Variants in NECTIN4 observed in about 807,000 individuals in gnomAD.
The protein encoded by NECTIN4 is nectin cell adhesion molecule 4, also known as nectin-4.
Under a neutral mutation model 51.7 loss-of-function variants are expected in NECTIN4, and 19 were observed. That is an observed-to-expected ratio of 0.37 (90% CI 0.26 to 0.54). The LOEUF (loss-of-function observed/expected upper bound fraction) is 0.54, where lower values mean the gene tolerates loss of function less well. Ranked by LOEUF, NECTIN4 falls within the 20% of genes least tolerant of loss-of-function variation. The pLI, the probability that NECTIN4 is intolerant of heterozygous loss-of-function variation, is 0.86. For missense variants in NECTIN4, 619 were observed against 662.4 expected, an observed-to-expected ratio of 0.93 and a Z score of 0.72; for synonymous variants, 283 against 286.9, an observed-to-expected ratio of 0.99 and a Z score of 0.14.
chr1:161,077,802 A>G (rs2101663842), intron 2 of NECTIN4, 59 bp from the exon 3 acceptor site: 1 of 1,490,368 alleles, frequency 6.7e-7, no homozygotes. Context: ...GGAGGCCCCC[A>G]CTCATCGCAT....
intron 1 of NECTIN4, among the ~76,000 whole-genome samples, chr1:161,080,329 G>T (rs1323355217): frequency 6.6e-6 from 1 of 152,122 alleles, no homozygotes; most frequent in African/African-American, 2.4e-5. Flanking sequence ...AGGGAAAATA[G>T]AATTTATGCA....
At chr1:161,080,496 T>C (rs1478685858) in intron 1 of NECTIN4, among the ~76,000 whole-genome samples, 2 of 152,158 alleles carry the variant, frequency 1.3e-5, no homozygotes. Context: ...GAAGGGTCTA[T>C]TCAGTAGGCC....
rs1314566794 is a variant in NECTIN4 at position 161,072,445 on chromosome 1, A to G, written c.*216T>C. ...TCAGTCAACACTCACACAGGCACAC[A>G]TGCACACACACAGTGACCTGCATGC... On this transcript the variant is annotated 3_prime_UTR_variant, in exon 9 of 9. Transcript: ENST00000368012. 1.6e-6 allele frequency: 1 copy of G among 625,568 alleles called. No homozygotes were observed. The highest frequency in any genetic ancestry group is 2.4e-5 in the Admixed American group (1 of 41,758). 38.8% of individuals were successfully genotyped at this position (625,568 alleles called of 1,614,324 possible). A position where few individuals can be genotyped will look rare whatever the true frequency, so the allele number is the denominator to read the frequency against.
Position 161,079,633 on chromosome 1 carries a change from G to A in NECTIN4, c.396C>T (p.Phe132=), listed in dbSNP as rs1246696728. The A allele has an allele frequency of 6.2e-7, 1 of 1,605,462 alleles. No individual in the cohort carries two copies. Among genetic ancestry groups the A allele is most frequent in the African/African-American group, 1.3e-5 (1 of 75,064 alleles). The change falls in exon 2 of 9, where the codon TTC becomes TTT. Residue 132 remains phenylalanine (F), a synonymous_variant. Coordinates refer to ENST00000368012, the MANE Select transcript of NECTIN4 (RefSeq NM_030916.3). ...GCCGCGCCTGGAAGCTGCCGGCGGG[G>A]AAGGTGCTGACCCGGCACTCGTACT... ...EGEYECRVST[F]PAGSFQARLR...
At chr1:161,086,139 A>G (rs562206918) in intron 1 of NECTIN4, among the ~76,000 whole-genome samples, 7 of 152,072 alleles carry the variant, frequency 4.6e-5, no homozygotes, top group Non-Finnish European at 1.0e-4. Context: ...ACATCCAATC[A>G]TTCTCTCCTC....
chr1:161,089,350 G>C lies in NECTIN4; in HGVS notation c.-54C>G. ...TGAAGTTCCACCGAGATCTCCCTGG[G>C]AGCCGGCTGCAGACTTGAATAAGGA... On this transcript the variant is annotated 5_prime_UTR_variant, in exon 1 of 9. Transcript: ENST00000368012. This position sits in a 1 kb window ranked among gnomAD's most constrained non-coding sequence, Gnocchi z 4.1. 2 of 1,534,314 alleles carry C rather than the reference G, an allele frequency of 1.3e-6. No homozygotes were observed.
Position 161,072,619 on chromosome 1 carries a change from C to A in NECTIN4, c.*42G>T, listed in dbSNP as rs751963168. 4 of 1,552,884 alleles carry A rather than the reference C, an allele frequency of 2.6e-6. No individual in the cohort carries two copies. Among genetic ancestry groups the A allele is most frequent in the Non-Finnish European group, 3.6e-6 (4 of 1,124,316 alleles). On this transcript the variant is annotated 3_prime_UTR_variant, in exon 9 of 9. Transcript: ENST00000368012. ...CAAGATGAGCTAAAATCTCCCATGT[C>A]AACAGAAGGAGCCAGGCCTAGGGAA... is the stretch of plus-strand genomic sequence containing the variant.
intron 1 of NECTIN4, among the ~76,000 whole-genome samples, chr1:161,080,290 C>A (rs560768416): frequency 2.0e-5 from 3 of 152,168 alleles, no homozygotes; most frequent in Admixed American, 6.5e-5. Flanking sequence ...GGAGACCCAG[C>A]CTCTGCCCTC....
At chr1:161,075,816 G>A (rs949649017) in intron 4 of NECTIN4, among the ~76,000 whole-genome samples, 36 of 152,034 alleles carry the variant, frequency 2.4e-4, no homozygotes, top group African/African-American at 8.0e-4. Context: ...GGTGGCTCAC[G>A]CCTGTAATCA....
chr1:161,086,242 A>C (rs1474909748), intron 1 of NECTIN4, among the ~76,000 whole-genome samples: 3 of 152,098 alleles, frequency 2.0e-5, no homozygotes, highest in Non-Finnish European at 4.4e-5. Context: ...CATGAACTCT[A>C]ACCTCCTCAT....
chr1:161,080,843 T>C (rs1374010955), intron 1 of NECTIN4, among the ~76,000 whole-genome samples: 1 of 152,212 alleles, frequency 6.6e-6, no homozygotes, highest in Admixed American at 6.5e-5. Flanking sequence ...CACTCCCTGC[T>C]CTCATGGGAC....
At position 161,074,328 on chromosome 1, in the gene NECTIN4, G is replaced by A. The variant is rs371363602; in HGVS notation, c.1046C>T (p.Ser349Leu). The A allele has an allele frequency of 9.9e-5, 160 of 1,613,644 alleles. No homozygotes were observed. The highest frequency in any genetic ancestry group is 6.6e-4 in the Middle Eastern group (4 of 6,084). ...SGKQVDLVSA[S>L]VVVVGVIAAL... ...GGCGATCACACCCACCACCACCACC[G>A]AGGCTGACACTAGGTCCACCTGCTT... The change falls in exon 6 of 9, where the codon TCG becomes TTG. Residue 349 changes from serine to leucine, a missense_variant. This residue lies in a region of NECTIN4 where 364 missense variants were observed against 415.7 expected (regional missense o/e 0.88). Coordinates refer to ENST00000368012, the MANE Select transcript of NECTIN4 (RefSeq NM_030916.3).
intron 2 of NECTIN4, among the ~76,000 whole-genome samples, chr1:161,078,747 C>T (rs547507462): frequency 1.3e-5 from 2 of 152,200 alleles, no homozygotes; most frequent in South Asian, 4.2e-4. Flanking sequence ...CGCGGTGGCT[C>T]ACGCCTGTAA....
chr1:161,076,560 C>T (rs1653425095), intron 3 of NECTIN4, 85 bp from the exon 4 acceptor site: 18 of 1,562,636 alleles, frequency 1.2e-5, no homozygotes, highest in Non-Finnish European at 1.6e-5. Context: ...CCACCCCACC[C>T]TGCCTGAAAC....
At position 161,074,361 on chromosome 1, in the gene NECTIN4, T is replaced by C. The variant is rs1357276097; in HGVS notation, c.1013A>G (p.Asp338Gly). Residue 338 changes from aspartate to glycine, a missense_variant, in exon 6 of 9, where the codon GAC becomes GGC. By Grantham distance (94) the Asp-to-Gly change is moderately conservative. Transcript: ENST00000368012. ...VTVDVLDPQE[D>G]SGKQVDLVSA... ...CACTAGGTCCACCTGCTTCCCAGAGTCTTCCTGGGGGTCTGCTGGAGACAG... is the reference window on the plus strand; with the variant it reads ...CACTAGGTCCACCTGCTTCCCAGAGCCTTCCTGGGGGTCTGCTGGAGACAG... 5.6e-6 allele frequency: 9 copies of C among 1,612,250 alleles called. No homozygotes were observed. The highest frequency in any genetic ancestry group is 5.5e-5 in the South Asian group (5 of 90,984).
chr1:161,073,237 G>C lies in NECTIN4; in HGVS notation c.1296C>G (p.Ser432Arg). 1 of 1,614,084 alleles carries C rather than the reference G, an allele frequency of 6.2e-7. No homozygotes were observed. The highest frequency in any genetic ancestry group is 8.5e-7 in the Non-Finnish European group (1 of 1,179,936). The change falls in exon 8 of 9, where the codon AGC becomes AGG. Residue 432 changes from serine to arginine, a missense_variant. By Grantham distance (110) the Ser-to-Arg change is moderately radical (BLOSUM62 -1). Around this residue, in one of 3 missense-constraint regions of NECTIN4, gnomAD observed 364 missense variants for 415.7 expected, o/e 0.88. Coordinates refer to ENST00000368012, the MANE Select transcript of NECTIN4 (RefSeq NM_030916.3). ...GHPDSLKDNS[S>R]CSVMSEEPEG... ...CCGGGGGCCTCACCATCACAGAGCA[G>C]CTACTGTTGTCCTTGAGACTATCAG...
At chr1:161,074,023 G>A (rs1472362003) in intron 6 of NECTIN4, among the ~76,000 whole-genome samples, 194 bp downstream of exon 6, 1 of 152,160 alleles carries the variant, frequency 6.6e-6, no homozygotes, top group East Asian at 1.9e-4. Flanking sequence ...CCTCACTAAG[G>A]TGGAAGGATT....
Position 161,089,340 on chromosome 1 carries a change from A to T in NECTIN4, c.-44T>A. On this transcript the variant is annotated 5_prime_UTR_variant, in exon 1 of 9. Transcript: ENST00000368012. This position sits in a 1 kb window ranked among gnomAD's most constrained non-coding sequence, Gnocchi z 4.1. ...CCAGCGTTTCTGAAGTTCCACCGAGATCTCCCTGGGAGCCGGCTGCAGACT... is the reference window on the plus strand; with the variant it reads ...CCAGCGTTTCTGAAGTTCCACCGAGTTCTCCCTGGGAGCCGGCTGCAGACT... 1 of 1,564,660 alleles carries T rather than the reference A, an allele frequency of 6.4e-7. No individual in the cohort carries two copies. Among genetic ancestry groups the T allele is most frequent in the South Asian group, 1.1e-5 (1 of 90,246 alleles).
At chr1:161,087,671 AGGGCTACACT>A (rs1654008755) in intron 1 of NECTIN4, 1 of 151,910 alleles carries the variant, frequency 6.6e-6, no homozygotes, top group Non-Finnish European at 1.5e-5. Flanking sequence ...ATGAAAGGGA[AGGGCTACACT>A]GGCTCTTCTG....
Sources: allele counts gnomAD v4.1 joint callset (sites outside exome capture counted in the v4.1 genomes callset), GRCh38; gene constraint gnomAD v4.1.1; regional missense constraint gnomAD v4.1.1; non-coding constraint Gnocchi (gnomAD v3.1); transcripts MANE v1.5; gene names NCBI Gene and HGNC (gene_info 2026-07-23, HGNC 2026-07-21).